The following TENM1 variants were observed in gnomAD, a reference collection of about 807,000 sequenced individuals.
TENM1 encodes the protein teneurin transmembrane protein 1.
TENM1 carries 35 observed loss-of-function variants against 174.8 expected under a neutral mutation model. That is an observed-to-expected ratio of 0.20 (90% CI 0.15 to 0.27). The LOEUF (loss-of-function observed/expected upper bound fraction) is 0.27. TENM1 is among the 10% of genes least tolerant of loss of function. TENM1 has a pLI of 1.00. For synonymous variants in TENM1, 781 were observed against 798.7 expected, an observed-to-expected ratio of 0.98 and a Z score of 0.37; for missense variants, 1,633 against 2,130.1, an observed-to-expected ratio of 0.77 and a Z score of 4.59.
intron 4 of TENM1, among the ~76,000 whole-genome samples, chrX:124,728,198 T>C (rs1157505855): frequency 9.0e-6 from 1 of 111,142 alleles, no homozygotes; most frequent in African/African-American, 3.3e-5. Flanking sequence ...CTCTAGTATA[T>C]CTAAGGATGG....
At chrX:124,750,748 T>C (rs769358716) in intron 3 of TENM1, among the ~76,000 whole-genome samples, 9 of 111,797 alleles carry the variant, frequency 8.1e-5, no homozygotes, top group Admixed American at 2.9e-4. Flanking sequence ...TTGGGTACCA[T>C]AGTATTGCAC....
At chrX:125,115,636 C>T in the TENM1 span, among the ~76,000 whole-genome samples, 26,183 of 110,230 alleles carry the variant, frequency 0.24, 4,669 homozygotes, top group African/African-American at 0.62. Flanking sequence ...CTCCCATTCA[C>T]AATTGCTACA....
chrX:125,101,896 T>A, the TENM1 span, among the ~76,000 whole-genome samples: 1 of 95,673 alleles, frequency 1.0e-5, no homozygotes, highest in African/African-American at 4.8e-5. Context: ...AACAAATAGT[T>A]ATTAAATACC....
At chrX:124,656,451 G>A (rs1222973557) in intron 6 of TENM1, among the ~76,000 whole-genome samples, 1 of 112,242 alleles carries the variant, frequency 8.9e-6, no homozygotes, top group Non-Finnish European at 1.9e-5. Flanking sequence ...CTTCATTACA[G>A]CTAAGACAAG....
At chrX:125,063,714 A>G in the TENM1 span, among the ~76,000 whole-genome samples, 1 of 111,798 alleles carries the variant, frequency 8.9e-6, no homozygotes, top group Non-Finnish European at 1.9e-5. Context: ...TGTTGGTGGG[A>G]CTGTAAACTA....
At chrX:124,537,833 C>G (rs1198224353) in intron 15 of TENM1, among the ~76,000 whole-genome samples, 2 of 111,929 alleles carry the variant, frequency 1.8e-5, no homozygotes, top group African/African-American at 3.2e-5. Context: ...ACTTTACATC[C>G]TAATGGAGCA....
intron 1 of TENM1, among the ~76,000 whole-genome samples, chrX:124,922,408 C>T (rs956997614): frequency 1.8e-5 from 2 of 111,047 alleles, no homozygotes; most frequent in Non-Finnish European, 3.8e-5. Context: ...TACATATTTT[C>T]GCAGACCAGC....
intron 5 of TENM1, among the ~76,000 whole-genome samples, chrX:124,672,898 AG>A (rs1395452899): frequency 8.9e-6 from 1 of 112,021 alleles, no homozygotes; most frequent in African/African-American, 3.2e-5. Context: ...GGAGAAAAAA[AG>A]GTTTGGAAGA....
chrX:124,963,665 C>T (rs751027713), exon 1 of TENM1: 6 of 1,211,519 alleles, frequency 5.0e-6, no homozygotes, highest in South Asian at 1.8e-5. Flanking sequence ...TCCATCTTCA[C>T]TCTCATCAGA....
chrX:124,870,330 A>G (rs2057086777), intron 3 of TENM1, among the ~76,000 whole-genome samples: 1 of 111,976 alleles, frequency 8.9e-6, no homozygotes, highest in Non-Finnish European at 1.9e-5. Context: ...CAAGGATCCT[A>G]GTCCTCAGAA....
At chrX:124,403,146 A>T (rs2147664588) in intron 27 of TENM1, among the ~76,000 whole-genome samples, 1 of 111,358 alleles carries the variant, frequency 9.0e-6, no homozygotes, top group African/African-American at 3.3e-5. Flanking sequence ...TTATAAAAAA[A>T]AAACCCAAAC....
At chrX:124,430,668 A>G (rs1359869827) in intron 23 of TENM1, among the ~76,000 whole-genome samples, 1 of 111,829 alleles carries the variant, frequency 8.9e-6, no homozygotes, top group Non-Finnish European at 1.9e-5. Flanking sequence ...GTTTAATCAT[A>G]TAGTCATGCT....
chrX:125,175,695 G>A, the TENM1 span, among the ~76,000 whole-genome samples: 5 of 110,317 alleles, frequency 4.5e-5, no homozygotes, highest in Middle Eastern at 4.3e-3. Context: ...ACAATACTAA[G>A]GAGGGCCACA....
intron 3 of TENM1, among the ~76,000 whole-genome samples, chrX:124,868,732 C>T (rs2057053227): frequency 9.0e-6 from 1 of 111,146 alleles, no homozygotes; most frequent in Admixed American, 9.6e-5. Context: ...AACTACTAAT[C>T]TCCCACAGGA....
rs1022095427 is a variant in TENM1 at position 124,482,028 on chromosome X, C to CT, written c.3717-65dup. 8.6e-6 allele frequency: 6 copies of CT among 696,145 alleles called. No homozygotes were observed. In the South Asian group the frequency reaches 1.9e-4, roughly 22 times the overall value. 57.4% of individuals were successfully genotyped at this position (696,145 alleles called of 1,213,427 possible). A position where few individuals can be genotyped will look rare whatever the true frequency, so the allele number is the denominator to read the frequency against. The stretch of plus-strand genomic sequence containing the variant: ...TCAACACGAACCCCCTGGGCTCAGC[C>CT]TTTTTTCACAAATGGAAAAATCTTT... On this transcript the variant is annotated intron_variant, in intron 21 of 31. Transcript: ENST00000422452.
intron 11 of TENM1, among the ~76,000 whole-genome samples, chrX:124,593,540 C>T (rs1039910101): frequency 9.0e-6 from 1 of 111,520 alleles, no homozygotes; most frequent in Non-Finnish European, 1.9e-5. Context: ...GCTCTAAATG[C>T]CTAGATTTCT....
At chrX:124,774,580 G>C (rs1192059606) in intron 3 of TENM1, among the ~76,000 whole-genome samples, 1 of 111,586 alleles carries the variant, frequency 9.0e-6, no homozygotes, top group African/African-American at 3.3e-5. Flanking sequence ...AAAATTCATA[G>C]TTAGATTATC....
At chrX:124,895,929 A>G in intron 2 of TENM1, 52 bp downstream of exon 5, 1 of 1,184,126 alleles carries the variant, frequency 8.4e-7, no homozygotes, top group Non-Finnish European at 1.1e-6. Flanking sequence ...AGCAAAGGCT[A>G]AAAACTGCAT....
chrX:124,869,165 G>A (rs112532121), intron 3 of TENM1, among the ~76,000 whole-genome samples: 3,121 of 109,721 alleles, frequency 0.028, 108 homozygotes, highest in African/African-American at 0.098. Flanking sequence ...CCTGGGAGGC[G>A]GAGGTTGCAG....
Sources: allele counts gnomAD v4.1 joint callset (sites outside exome capture counted in the v4.1 genomes callset), GRCh38; gene constraint gnomAD v4.1.1; transcripts MANE v1.5; gene names NCBI Gene and HGNC (gene_info 2026-07-23, HGNC 2026-07-21).